FBH1: variants seen among roughly 807,000 people sequenced by gnomAD.
FBH1 encodes F-box DNA helicase 1.
A neutral mutation model predicts 115.5 loss-of-function variants in FBH1; 43 were observed. That is an observed-to-expected ratio of 0.37 (90% CI 0.29 to 0.48). The LOEUF is 0.48. FBH1 is among the 20% of genes least tolerant of loss of function. The pLI, the probability that FBH1 is intolerant of heterozygous loss-of-function variation, is 0.99. For missense variants in FBH1, 1,001 were observed against 1,337.3 expected (o/e 0.75, Z 3.92); for synonymous variants, 524 against 507.8 (o/e 1.03, Z -0.43).
intron 1 of FBH1, 114 bp from the exon 2 acceptor site, chr10:5,902,904 GGT>G: frequency 1.1e-6 from 1 of 938,044 alleles, no homozygotes; most frequent in Non-Finnish European, 1.5e-6. Context: ...GGTTGGCTGG[GGT>G]GTTGACAAAA....
At position 5,895,105 on chromosome 10, in the gene FBH1, T is replaced by C. The variant is rs538251763; in HGVS notation, c.1+4759T>C. On this transcript the variant is annotated intron_variant, in intron 1 of 20. Transcript: ENST00000362091. The surrounding 1 kb of genome is among the most constrained non-coding windows in gnomAD (Gnocchi z 5.0). ...CTGAGTCATGTGATAATGGGCTACATTGCGCAGGGCCCCTGGGCCATCTCC... is the reference window on the plus strand; with the variant it reads ...CTGAGTCATGTGATAATGGGCTACACTGCGCAGGGCCCCTGGGCCATCTCC... The C allele has an allele frequency of 1.2e-6, 2 of 1,614,040 alleles. No homozygotes were observed. The highest frequency in any genetic ancestry group is 2.2e-5 in the East Asian group (1 of 44,876).
In FBH1 at chr10:5,909,680, T is replaced by C. The variant is rs944438448; in HGVS notation, c.1020+386T>C. 3.3e-5 allele frequency among the ~76,000 whole-genome samples: 5 copies of C among 152,320 alleles called. No homozygotes were observed. In the South Asian group the frequency reaches 1.0e-3, roughly 32 times the overall value. ...GGGACAGAAAAATTAGGGGTCTTGCTATAGTCACACAATGAGGTAATGAGA... is the reference window on the plus strand; with the variant it reads ...GGGACAGAAAAATTAGGGGTCTTGCCATAGTCACACAATGAGGTAATGAGA... On this transcript the variant is annotated intron_variant, in intron 5 of 20. Coordinates refer to ENST00000362091, the MANE Select transcript of FBH1 (RefSeq NM_178150.3). This position sits in a 1 kb window ranked among gnomAD's most constrained non-coding sequence, Gnocchi z 4.4.
At position 5,909,512 on chromosome 10, in the gene FBH1, A is replaced by G; in HGVS notation, c.1020+218A>G. On this transcript the variant is annotated intron_variant, in intron 5 of 20. Transcript: ENST00000362091. This position sits in a 1 kb window ranked among gnomAD's most constrained non-coding sequence, Gnocchi z 4.4. ...GATGTAGATGAAATTTTAACAAATC[A>G]TTTAGTCTGATTTCCCATTTGGTTG... 2.0e-6 allele frequency: 1 copy of G among 494,308 alleles called. No individual in the cohort carries two copies. Among genetic ancestry groups the G allele is most frequent in the Non-Finnish European group, 3.4e-6 (1 of 291,506 alleles). The allele number at this position is 494,308 out of a possible 1,614,324, so 30.6% of individuals were successfully genotyped here.
In FBH1 at chr10:5,925,236, C is replaced by T. The variant is rs1394082093; in HGVS notation, c.2597-131C>T. 1.8e-6 allele frequency: 2 copies of T among 1,094,438 alleles called. No homozygotes were observed. Among genetic ancestry groups the T allele is most frequent in the Non-Finnish European group, 2.6e-6 (2 of 767,018 alleles). The allele number at this position is 1,094,438 out of a possible 1,614,324, so 67.8% of individuals were successfully genotyped here. A position where few individuals can be genotyped will look rare whatever the true frequency, so the allele number is the denominator to read the frequency against. ...CCCGACAGTTGTTTCCTCTTTCCCC[C>T]TTTTCCTACAAAACTGCACTGAGGC... On this transcript the variant is annotated intron_variant, in intron 17 of 20. Coordinates refer to ENST00000362091, the MANE Select transcript of FBH1 (RefSeq NM_178150.3). The surrounding 1 kb of genome is among the most constrained non-coding windows in gnomAD (Gnocchi z 4.6).
rs1197764358 is a variant in FBH1, at chr10:5,924,296, G to A, written c.2399-15G>A. The A allele has an allele frequency of 6.2e-7, 1 of 1,613,416 alleles. No individual in the cohort carries two copies. Among genetic ancestry groups the A allele is most frequent in the African/African-American group, 1.3e-5 (1 of 74,896 alleles). On this transcript the variant is annotated splice_polypyrimidine_tract_variant and intron_variant, in intron 16 of 20. Transcript: ENST00000362091. This position sits in a 1 kb window ranked among gnomAD's most constrained non-coding sequence, Gnocchi z 6.2. Reference sequence around the variant, plus strand: ...GAGCTTGTGTCACCTTAATTTGTGTGTATATTCTTCTTAGAAAACCTCGTC... The same window carrying A: ...GAGCTTGTGTCACCTTAATTTGTGTATATATTCTTCTTAGAAAACCTCGTC...
rs1361755838 is a variant in FBH1, at chr10:5,916,273, A to G, written c.1605A>G (p.Thr535=). ...AGAAGTTGAATCTCTTCAAGTTAAC[A>G]CCCTTCATGGTCAACTCCGTCCTTG... ...SKKKLNLFKL[T]PFMVNSVLAE... Residue 535 remains threonine, a synonymous_variant, in exon 10 of 21, where the codon ACA becomes ACG. Coordinates refer to ENST00000362091, the MANE Select transcript of FBH1 (RefSeq NM_178150.3). The G allele has an allele frequency of 1.2e-6, 2 of 1,614,012 alleles. No homozygotes were observed. Among genetic ancestry groups the G allele is most frequent in the African/African-American group, 1.3e-5 (1 of 74,890 alleles).
chr10:5,913,303 T>A lies in FBH1; in HGVS notation c.1212-444T>A, dbSNP rs1020510840. 1.3e-5 allele frequency among the ~76,000 whole-genome samples: 2 copies of A among 152,234 alleles called. No individual in the cohort carries two copies. Among genetic ancestry groups the A allele is most frequent in the African/African-American group, 4.8e-5 (2 of 41,456 alleles). On this transcript the variant is annotated intron_variant, in intron 6 of 20. Transcript: ENST00000362091. The surrounding 1 kb of genome is among the most constrained non-coding windows in gnomAD (Gnocchi z 4.4). ...TGTTCATGCGTCTAAAGCAATGTCA[T>A]GTCATAAGAGGTAGACAGTGGAGCG... is the stretch of plus-strand genomic sequence containing the variant.
chr10:5,889,609 T>G, upstream of FBH1: 1 of 221,118 alleles, frequency 4.5e-6, no homozygotes, highest in Non-Finnish European at 8.7e-6. Flanking sequence ...AAGCCGCGGT[T>G]CCGGGCACGG....
chr10:5,917,282 G>A lies in FBH1; in HGVS notation c.1789-138G>A. On this transcript the variant is annotated intron_variant, in intron 10 of 20. Transcript: ENST00000362091. The surrounding 1 kb of genome is among the most constrained non-coding windows in gnomAD (Gnocchi z 5.6). Reference sequence around the variant, plus strand: ...GAGAGGCTGTTGAGGAGACCCAGGAGGTTAGGGTGGTGTCTGCGGTCCCCC... The same window carrying A: ...GAGAGGCTGTTGAGGAGACCCAGGAAGTTAGGGTGGTGTCTGCGGTCCCCC... The A allele has an allele frequency of 1.5e-6, 1 of 688,178 alleles. No individual in the cohort carries two copies. Among genetic ancestry groups the A allele is most frequent in the Non-Finnish European group, 2.6e-6 (1 of 383,342 alleles). 42.6% of individuals were successfully genotyped at this position (688,178 alleles called of 1,614,324 possible). A position where few individuals can be genotyped will look rare whatever the true frequency, so the allele number is the denominator to read the frequency against.
chr10:5,925,693 A>G lies in FBH1; in HGVS notation c.2722+201A>G. On this transcript the variant is annotated intron_variant, in intron 18 of 20. Transcript: ENST00000362091. The surrounding 1 kb of genome is among the most constrained non-coding windows in gnomAD (Gnocchi z 4.6). ...GTTTTTTAAAAAACAAAACTTCCTC[A>G]AGGTGCACCCCTCTGGGGGCTGCGT... 6.6e-6 allele frequency among the ~76,000 whole-genome samples: 1 copy of G among 152,114 alleles called. No individual in the cohort carries two copies. The highest frequency in any genetic ancestry group is 1.9e-4 in the East Asian group (1 of 5,200).
At chr10:5,890,181 C>T, upstream of FBH1, 1 of 334,380 alleles carries the variant, frequency 3.0e-6, no homozygotes, top group East Asian at 4.6e-5. Context: ...GCGGCGGGCG[C>T]TTCCCGGGGC....
rs1334870964 is a variant in FBH1 at position 5,917,791 on chromosome 10, G to C, written c.1963+115G>C. 2 of 848,458 alleles carry C rather than the reference G, an allele frequency of 2.4e-6. No homozygotes were observed. Among genetic ancestry groups the C allele is most frequent in the Middle Eastern group, 3.2e-4 (1 of 3,092 alleles). The allele number at this position is 848,458 out of a possible 1,614,324, so 52.6% of individuals were successfully genotyped here. ...TTATTATTATTTGTGATAAAGAAGA[G>C]GATCTTCATACTTACCTTAGGATTT... On this transcript the variant is annotated intron_variant, in intron 12 of 20. Coordinates refer to ENST00000362091, the MANE Select transcript of FBH1 (RefSeq NM_178150.3). This position sits in a 1 kb window ranked among gnomAD's most constrained non-coding sequence, Gnocchi z 5.6.
At chr10:5,927,327 T>C in intron 18 of FBH1, 108 bp from the exon 19 acceptor site, 1 of 765,204 alleles carries the variant, frequency 1.3e-6, no homozygotes, top group Non-Finnish European at 2.0e-6. Flanking sequence ...GTTGAGTGGT[T>C]TTCTGCGGGG....
In FBH1 at chr10:5,917,677, G is replaced by C; in HGVS notation, c.1963+1G>C. 1 of 1,612,218 alleles carries C rather than the reference G, an allele frequency of 6.2e-7. No homozygotes were observed. Among genetic ancestry groups the C allele is most frequent in the Admixed American group, 1.7e-5 (1 of 59,930 alleles). ...GATGAGGCCCAGGACTGCACACCAGGTGATACACTGTTCAGGACATCAGTA... is the reference window on the plus strand; with the variant it reads ...GATGAGGCCCAGGACTGCACACCAGCTGATACACTGTTCAGGACATCAGTA... On this transcript the variant is annotated splice_donor_variant, in intron 12 of 20. Transcript: ENST00000362091. LOFTEE classifies it high-confidence loss of function. This position sits in a 1 kb window ranked among gnomAD's most constrained non-coding sequence, Gnocchi z 5.6.
chr10:5,927,710 C>T (rs1006504947), intron 19 of FBH1, among the ~76,000 whole-genome samples, 169 bp downstream of exon 19: 2 of 152,064 alleles, frequency 1.3e-5, no homozygotes, highest in African/African-American at 4.8e-5. Flanking sequence ...AGTGTTCTAA[C>T]CAAGGAAACA....
rs1195137390 is a variant in FBH1, at chr10:5,935,711, T to C, written c.2830-745T>C. On this transcript the variant is annotated intron_variant, in intron 19 of 20. Coordinates refer to ENST00000362091, the MANE Select transcript of FBH1 (RefSeq NM_178150.3). The surrounding 1 kb of genome is among the most constrained non-coding windows in gnomAD (Gnocchi z 5.2). ...ACAGATTGTAGAATAAGTAGATCAA[T>C]AGCTGGTCATAATCCAGAAAATACG... The C allele has an allele frequency of 6.6e-6, 1 of 152,196 alleles. No homozygotes were observed. The highest frequency in any genetic ancestry group is 2.4e-5 in the African/African-American group (1 of 41,458). The allele number at this position is 152,196 out of a possible 1,614,324, so 9.4% of individuals were successfully genotyped here.
rs1831767647 is a variant in FBH1, at chr10:5,913,929, A to G, written c.1304+90A>G. The G allele has an allele frequency of 1.9e-6, 2 of 1,040,442 alleles. No homozygotes were observed. The highest frequency in any genetic ancestry group is 2.0e-4 in the Middle Eastern group (1 of 4,888). 64.5% of individuals were successfully genotyped at this position (1,040,442 alleles called of 1,614,324 possible). ...GGAGATGTTTTGCTTCACTTTAGCA[A>G]CATCATTGAGGTTAATAATGTAAAT... On this transcript the variant is annotated intron_variant, in intron 7 of 20. Transcript: ENST00000362091. The surrounding 1 kb of genome is among the most constrained non-coding windows in gnomAD (Gnocchi z 4.4).
Position 5,906,458 on chromosome 10 carries a change from T to C in FBH1, c.579T>C (p.Pro193=). 6.2e-7 allele frequency: 1 copy of C among 1,614,236 alleles called. No individual in the cohort carries two copies. The highest frequency in any genetic ancestry group is 8.5e-7 in the Non-Finnish European group (1 of 1,180,050). The change falls in exon 3 of 21, where the codon CCT becomes CCC. Residue 193 remains proline (P), a synonymous_variant. Transcript: ENST00000362091. The surrounding 1 kb of genome is among the most constrained non-coding windows in gnomAD (Gnocchi z 7.3). ...GGGACGTGGGTCCTGATCCCATTCC[T>C]GACTCATACTATGGGCTTCTTGGGA... The part of the protein sequence containing the change: ...DAGDVGPDPI[P]DSYYGLLGTL...
chr10:5,902,071 G>A (rs1349719332), intron 1 of FBH1, among the ~76,000 whole-genome samples: 3 of 152,148 alleles, frequency 2.0e-5, no homozygotes, highest in Non-Finnish European at 2.9e-5. Context: ...TGTTGCTGTA[G>A]TGTTTTGCTA....
Sources: gnomAD v4.1 joint callset for allele counts (sites outside exome capture counted in the v4.1 genomes callset) on GRCh38, gnomAD v4.1.1 for gene constraint, Gnocchi (gnomAD v3.1) non-coding constraint, MANE v1.5 for transcripts, NCBI Gene and HGNC (gene_info 2026-07-23, HGNC 2026-07-21) for gene names.